RTL4: variants seen among roughly 807,000 people sequenced by gnomAD.
RTL4 encodes retrotransposon Gag-like protein 4.
RTL4 carries 4 observed loss-of-function variants against 5.3 expected under a neutral mutation model. That is an observed-to-expected ratio of 0.75 (90% CI 0.37 to 1.72). RTL4 has a LOEUF of 1.72. RTL4 is among the 40% of genes most tolerant of loss of function. The pLI is 0.04. For synonymous variants in RTL4, 98 were observed against 87.3 expected, an observed-to-expected ratio of 1.12 and a Z score of -0.68; for missense variants, 260 against 227.1, an observed-to-expected ratio of 1.14 and a Z score of -0.93.
At chrX:112,306,787 T>C in the RTL4 span, among the ~76,000 whole-genome samples, 1 of 111,521 alleles carries the variant, frequency 9.0e-6, no homozygotes, top group African/African-American at 3.3e-5. Flanking sequence ...TATTCAGTAC[T>C]CTTTACCTCC....
At chrX:112,278,641 A>G in the RTL4 span, among the ~76,000 whole-genome samples, 1 of 111,747 alleles carries the variant, frequency 8.9e-6, no homozygotes, top group Non-Finnish European at 1.9e-5. Context: ...TTCTCAGTCA[A>G]CAATCCCATT....
the RTL4 span, among the ~76,000 whole-genome samples, chrX:112,281,096 T>C: frequency 2.1e-3 from 236 of 111,628 alleles, 1 homozygote; most frequent in African/African-American, 7.2e-3. Context: ...TTTCTTAAAC[T>C]TATTTCTCCT....
At chrX:112,327,702 T>G in the RTL4 span, among the ~76,000 whole-genome samples, 33 of 110,286 alleles carry the variant, frequency 3.0e-4, no homozygotes, top group Non-Finnish European at 4.9e-4. Context: ...GACACATAAT[T>G]GTCAGATTCA....
the RTL4 span, among the ~76,000 whole-genome samples, chrX:112,095,363 A>C: frequency 8.9e-6 from 1 of 111,843 alleles, no homozygotes; most frequent in Non-Finnish European, 1.9e-5. Flanking sequence ...CTAAGTAAAA[A>C]TTGGAATCAC....
the RTL4 span, among the ~76,000 whole-genome samples, chrX:112,216,630 C>T: frequency 5.4e-5 from 6 of 111,654 alleles, no homozygotes; most frequent in African/African-American, 1.6e-4. Context: ...CTTTCTTTGC[C>T]TCCCTATAAA....
the RTL4 span, among the ~76,000 whole-genome samples, chrX:112,300,288 T>A: frequency 1.8e-5 from 2 of 112,405 alleles, no homozygotes; most frequent in East Asian, 5.6e-4. Flanking sequence ...ATATTTTATT[T>A]AATTGGTCCT....
the RTL4 span, among the ~76,000 whole-genome samples, chrX:112,144,032 A>G: frequency 9.8e-6 from 1 of 102,426 alleles, no homozygotes; most frequent in Non-Finnish European, 1.9e-5. Flanking sequence ...TTTATAAAGA[A>G]AAGAATCTTC....
the RTL4 span, among the ~76,000 whole-genome samples, chrX:112,126,081 T>G: frequency 9.0e-6 from 1 of 111,305 alleles, no homozygotes; most frequent in Non-Finnish European, 1.9e-5. Context: ...GATCATCCCA[T>G]CCCAGCAATT....
chrX:112,151,041 C>T, the RTL4 span, among the ~76,000 whole-genome samples: 3 of 111,887 alleles, frequency 2.7e-5, no homozygotes, highest in South Asian at 3.7e-4. Context: ...GATCTAGCCA[C>T]GCTGTCTGAA....
At chrX:112,436,555 G>T in the RTL4 span, among the ~76,000 whole-genome samples, 2 of 111,776 alleles carry the variant, frequency 1.8e-5, no homozygotes, top group Non-Finnish European at 3.8e-5. Flanking sequence ...AAGCAAATAT[G>T]ATTTATTCTT....
At chrX:112,246,994 A>T in the RTL4 span, among the ~76,000 whole-genome samples, 1 of 112,128 alleles carries the variant, frequency 8.9e-6, no homozygotes, top group African/African-American at 3.2e-5. Flanking sequence ...ATATGTATGT[A>T]GTAATAGCAA....
the RTL4 span, among the ~76,000 whole-genome samples, chrX:112,124,792 A>C: frequency 2.7e-5 from 3 of 111,032 alleles, no homozygotes; most frequent in East Asian, 8.5e-4. Context: ...GTATCCTGGA[A>C]CTTAAAGAAA....
chrX:112,264,100 T>C, the RTL4 span, among the ~76,000 whole-genome samples: 1 of 111,473 alleles, frequency 9.0e-6, no homozygotes, highest in Non-Finnish European at 1.9e-5. Context: ...GTAAGATTCA[T>C]GACAGTCAAG....
At chrX:112,122,703 G>A in the RTL4 span, among the ~76,000 whole-genome samples, 4 of 110,525 alleles carry the variant, frequency 3.6e-5, no homozygotes, top group Non-Finnish European at 5.7e-5. Flanking sequence ...GTAAAGAAAC[G>A]GAAGTTATAA....
the RTL4 span, among the ~76,000 whole-genome samples, chrX:112,123,865 A>G: frequency 1.8e-5 from 2 of 112,014 alleles, no homozygotes; most frequent in African/African-American, 6.5e-5. Context: ...ACAGCTTCTC[A>G]CAGCAAAAGA....
the RTL4 span, among the ~76,000 whole-genome samples, chrX:112,432,965 C>A: frequency 9.0e-6 from 1 of 111,160 alleles, no homozygotes; most frequent in Admixed American, 9.5e-5. Flanking sequence ...GCCAGTTTTC[C>A]CAGCACCATT....
At chrX:112,274,214 A>G in the RTL4 span, among the ~76,000 whole-genome samples, 1 of 111,586 alleles carries the variant, frequency 9.0e-6, no homozygotes, top group Non-Finnish European at 1.9e-5. Context: ...AGTGTGGTAC[A>G]CCATAAGAGA....
At chrX:112,238,384 T>C in the RTL4 span, among the ~76,000 whole-genome samples, 47 of 111,989 alleles carry the variant, frequency 4.2e-4, no homozygotes, top group African/African-American at 1.5e-3. Context: ...GATTTGCCCA[T>C]GATGATTGAT....
chrX:112,367,844 G>A, the RTL4 span, among the ~76,000 whole-genome samples: 962 of 111,846 alleles, frequency 8.6e-3, 15 homozygotes, highest in African/African-American at 0.03. Flanking sequence ...AAGACTTCCT[G>A]CAGGATATGA....
Sources: gnomAD v4.1 joint callset for allele counts (sites outside exome capture counted in the v4.1 genomes callset) on GRCh38, gnomAD v4.1.1 for gene constraint, MANE v1.5 for transcripts, NCBI Gene and HGNC (gene_info 2026-07-23, HGNC 2026-07-21) for gene names.